FMO2: variants seen among roughly 807,000 people sequenced by gnomAD.
FMO2 encodes flavin-containing monooxygenase 2.
Under a neutral mutation model 41.6 loss-of-function variants are expected in FMO2, and 33 were observed. The ratio of observed to expected loss-of-function variants is 0.79; its 90% CI spans 0.60 to 1.06. The LOEUF is 1.06. Among genes scored for constraint, FMO2 ranks in the 50% least tolerant of loss-of-function variants. The pLI is 0.00. For synonymous variants in FMO2, 214 were observed against 219.6 expected (o/e 0.97, Z 0.23); for missense variants, 619 against 632.9 (o/e 0.98, Z 0.23).
Position 171,205,577 on chromosome 1 carries a change from G to A in FMO2, c.1126G>A (p.Gly376Ser). ...GTGCATTGGTCTCATCCAGCCCCTAGGTTCCATTTTCCCAACTGCTGAACT... is the reference window on the plus strand; with the variant it reads ...GTGCATTGGTCTCATCCAGCCCCTAAGTTCCATTTTCCCAACTGCTGAACT... ...LACIGLIQPL[G>S]SIFPTAELQA... The change falls in exon 7 of 9, where the codon GGT becomes AGT. Residue 376 changes from glycine to serine, a missense_variant. Coordinates refer to ENST00000209929, the MANE Select transcript of FMO2 (RefSeq NM_001460.5). 1 of 1,613,300 alleles carries A rather than the reference G, an allele frequency of 6.2e-7. No individual in the cohort carries two copies. Among genetic ancestry groups the A allele is most frequent in the Non-Finnish European group, 8.5e-7 (1 of 1,179,686 alleles).
At chr1:171,204,206 G>A (rs376161818) in intron 6 of FMO2, 142 bp downstream of exon 6, 148 of 636,884 alleles carry the variant, frequency 2.3e-4, no homozygotes, top group Middle Eastern at 8.3e-4. Context: ...AGGTCCTGGA[G>A]TTTAGCTTCT....
In FMO2 at chr1:171,196,662, G is replaced by C. The variant is rs1349773664; in HGVS notation, c.335G>C (p.Ser112Thr). The C allele has an allele frequency of 6.2e-7, 1 of 1,609,252 alleles. No individual in the cohort carries two copies. Among genetic ancestry groups the C allele is most frequent in the Admixed American group, 1.7e-5 (1 of 59,878 alleles). The change falls in exon 4 of 9, where the codon AGT (serine) becomes ACT (threonine). Residue 112 changes from serine (S) to threonine (T), a missense_variant. Physicochemically the swap from Ser to Thr is moderately conservative, Grantham distance 58. Transcript: ENST00000209929. Reference protein sequence around the residue: ...KYIQFQTTVLSVRKCPDFSSS... With the variant: ...KYIQFQTTVLTVRKCPDFSSS... ...TGTTTCTTCAAGACAACTGTCCTTA[G>C]TGTGAGAAAATGTCCAGATTTCTCA...
chr1:171,195,796 T>TA (rs11287160), intron 3 of FMO2, among the ~76,000 whole-genome samples: 24 of 151,986 alleles, frequency 1.6e-4, no homozygotes, highest in Non-Finnish European at 3.2e-4. Context: ...GAGCTACATT[T>TA]AAAAAAATCA....
rs899396767 is a variant in FMO2 at position 171,210,295 on chromosome 1, A to G, written c.*1150A>G. On this transcript the variant is annotated 3_prime_UTR_variant, in exon 9 of 9. Transcript: ENST00000209929. ...CATTTTGGAAAAATAAGAATTGAGG[A>G]AAAAAAGTGTATCTTTCAAGTAGAT... 5.9e-5 allele frequency: 9 copies of G among 152,302 alleles called. No homozygotes were observed. Among genetic ancestry groups the G allele is most frequent in the Middle Eastern group, 3.4e-3 (1 of 294 alleles). 9.4% of individuals were successfully genotyped at this position (152,302 alleles called of 1,614,324 possible). A position where few individuals can be genotyped will look rare whatever the true frequency, so the allele number is the denominator to read the frequency against.
At position 171,207,791 on chromosome 1, in the gene FMO2, G is replaced by A. The variant is rs1478973731; in HGVS notation, c.1256+1G>A. ...AAAGGAATGAAAAAAGAATTGACCT[G>A]TAAGAATTTTTTTTAATTCTTTACA... On this transcript the variant is annotated splice_donor_variant, in intron 8 of 8. Coordinates refer to ENST00000209929, the MANE Select transcript of FMO2 (RefSeq NM_001460.5). LOFTEE classifies it high-confidence loss of function. The A allele has an allele frequency of 3.2e-6, 5 of 1,581,552 alleles. No homozygotes were observed. The highest frequency in any genetic ancestry group is 1.7e-5 in the Admixed American group (1 of 59,702).
chr1:171,208,791 A>G lies in FMO2; in HGVS notation c.1257-3A>G. The G allele has an allele frequency of 6.2e-7, 1 of 1,613,114 alleles. No homozygotes were observed. The highest frequency in any genetic ancestry group is 1.1e-5 in the South Asian group (1 of 90,884). ...ACATTCCCTTTTTACTTTCTTCACT[A>G]AGGTTTGGAGAAAGCCAGAGCCAGA... On this transcript the variant is annotated splice_polypyrimidine_tract_variant and splice_region_variant and intron_variant, in intron 8 of 8. Coordinates refer to ENST00000209929, the MANE Select transcript of FMO2 (RefSeq NM_001460.5).
chr1:171,189,574 A>C (rs1295211595), intron 2 of FMO2, among the ~76,000 whole-genome samples: 1 of 151,892 alleles, frequency 6.6e-6, no homozygotes, highest in Non-Finnish European at 1.5e-5. Context: ...ACTCTAATAG[A>C]GATGTGGTTC....
chr1:171,207,437 C>A, intron 7 of FMO2: 2 of 315,532 alleles, frequency 6.3e-6, no homozygotes, highest in Non-Finnish European at 1.1e-5. Context: ...CAGGATAGAG[C>A]CCAAACCACT....
intron 2 of FMO2, among the ~76,000 whole-genome samples, chr1:171,189,407 CAT>C (rs1274716516): frequency 1.3e-5 from 2 of 152,074 alleles, no homozygotes; most frequent in Non-Finnish European, 2.9e-5. Context: ...ACATTCCAAA[CAT>C]ATTGCCAATG....
intron 2 of FMO2, among the ~76,000 whole-genome samples, chr1:171,193,069 T>A (rs1658151783): frequency 6.6e-6 from 1 of 152,174 alleles, no homozygotes; most frequent in Non-Finnish European, 1.5e-5. Context: ...TCTTGCAATG[T>A]GCCAAAATAA....
At position 171,210,745 on chromosome 1, in the gene FMO2, A is replaced by G. The variant is rs1170994188; in HGVS notation, c.*1600A>G. On this transcript the variant is annotated 3_prime_UTR_variant, in exon 9 of 9. Coordinates refer to ENST00000209929, the MANE Select transcript of FMO2 (RefSeq NM_001460.5). ...ACTTCTCCCTCAGGGACGTAGAACAATGGAATGTCAGTCAGTCTCTGTAGT... is the reference window on the plus strand; with the variant it reads ...ACTTCTCCCTCAGGGACGTAGAACAGTGGAATGTCAGTCAGTCTCTGTAGT... The G allele has an allele frequency of 6.6e-6, 1 of 151,826 alleles. No individual in the cohort carries two copies. Among genetic ancestry groups the G allele is most frequent in the Non-Finnish European group, 1.5e-5 (1 of 67,984 alleles). 9.4% of individuals were successfully genotyped at this position (151,826 alleles called of 1,614,324 possible). A position where few individuals can be genotyped will look rare whatever the true frequency, so the allele number is the denominator to read the frequency against.
intron 4 of FMO2, among the ~76,000 whole-genome samples, chr1:171,198,648 T>C (rs933726875): frequency 1.3e-5 from 2 of 152,244 alleles, no homozygotes; most frequent in East Asian, 3.9e-4. Flanking sequence ...TGACCTCAGT[T>C]GATCCGCCCG....
intron 5 of FMO2, 75 bp downstream of exon 5, chr1:171,199,563 T>C: frequency 7.2e-7 from 1 of 1,398,466 alleles, no homozygotes; most frequent in Non-Finnish European, 9.7e-7. Flanking sequence ...CCCAGCCATA[T>C]AATCGCGGCT....
chr1:171,200,643 A>G (rs181682797), intron 5 of FMO2, among the ~76,000 whole-genome samples: 7 of 152,336 alleles, frequency 4.6e-5, no homozygotes, highest in Admixed American at 3.9e-4. Context: ...AGAGTCATCT[A>G]TCAGTCAGTT....
chr1:171,205,323 G>C lies in FMO2; in HGVS notation c.872G>C (p.Arg291Pro), dbSNP rs141653324. Residue 291 changes from arginine to proline, a missense_variant, in exon 7 of 9, where the codon CGT (arginine) becomes CCT (proline). Physicochemically the swap from Arg to Pro is moderately radical, Grantham distance 103 (BLOSUM62 -2). Transcript: ENST00000209929. ...EPVLNDDVPS[R>P]LLCGAIKVKS... is the part of the protein sequence containing the mutation. Reference sequence around the variant, plus strand: ...GTACTAAATGATGATGTCCCAAGTCGTCTACTCTGTGGAGCCATCAAGGTG... The same window carrying C: ...GTACTAAATGATGATGTCCCAAGTCCTCTACTCTGTGGAGCCATCAAGGTG... 5.6e-6 allele frequency: 9 copies of C among 1,613,454 alleles called. No individual in the cohort carries two copies. Among genetic ancestry groups the C allele is most frequent in the Non-Finnish European group, 6.8e-6 (8 of 1,179,572 alleles).
intron 3 of FMO2, among the ~76,000 whole-genome samples, chr1:171,195,814 A>G (rs764296063): frequency 3.3e-5 from 5 of 152,214 alleles, no homozygotes; most frequent in African/African-American, 4.8e-5. Flanking sequence ...TCAATGAACC[A>G]ATAAATCATT....
intron 4 of FMO2, among the ~76,000 whole-genome samples, chr1:171,199,016 C>T (rs1353514298): frequency 2.0e-5 from 3 of 152,110 alleles, no homozygotes; most frequent in Non-Finnish European, 4.4e-5. Flanking sequence ...AATCTTCCCA[C>T]CTCAGTCACC....
intron 5 of FMO2, among the ~76,000 whole-genome samples, chr1:171,202,424 T>C (rs1300471843): frequency 6.6e-6 from 1 of 152,146 alleles, no homozygotes; most frequent in Non-Finnish European, 1.5e-5. Flanking sequence ...GCTAGGAATG[T>C]AAGGCCCATC....
chr1:171,199,310 T>G, intron 4 of FMO2, 36 bp from the exon 5 acceptor site: 1 of 1,523,832 alleles, frequency 6.6e-7, no homozygotes, highest in Non-Finnish European at 8.8e-7. Context: ...ATAGTTGCTC[T>G]GGAGCTCACA....
Sources: gnomAD v4.1 joint callset for allele counts (sites outside exome capture counted in the v4.1 genomes callset) on GRCh38, gnomAD v4.1.1 for gene constraint, MANE v1.5 for transcripts, NCBI Gene and HGNC (gene_info 2026-07-23, HGNC 2026-07-21) for gene names.